CSMD1: variants seen among roughly 807,000 people sequenced by gnomAD.
CSMD1 encodes CUB and sushi domain-containing protein 1.
In CSMD1, 213 loss-of-function variants were observed where a neutral mutation model predicts 417.5. The ratio of observed to expected loss-of-function variants is 0.51; its 90% CI spans 0.46 to 0.57. The LOEUF (loss-of-function observed/expected upper bound fraction) is 0.57. Ranked by LOEUF, CSMD1 falls within the 20% of genes least tolerant of loss-of-function variation. The pLI, the probability that CSMD1 is intolerant of heterozygous loss-of-function variation, is 0.00. For missense variants in CSMD1, 6,923 were observed against 4,529.7 expected, an observed-to-expected ratio of 1.53 and a Z score of -15.17; for synonymous variants, 2,862 against 1,736.8, an observed-to-expected ratio of 1.65 and a Z score of -16.11.
intron 4 of CSMD1, among the ~76,000 whole-genome samples, chr8:3,998,678 G>C (rs1376255404): frequency 6.6e-6 from 1 of 151,956 alleles, no homozygotes; most frequent in African/African-American, 2.4e-5. Context: ...ACTTAAAATG[G>C]AATATCTTAG....
At chr8:3,254,833 G>A (rs549636707) in intron 26 of CSMD1, among the ~76,000 whole-genome samples, 13 of 152,070 alleles carry the variant, frequency 8.5e-5, no homozygotes, top group East Asian at 3.9e-4. Flanking sequence ...CCTTTAGCTC[G>A]GGGTCGTTTG....
At chr8:3,256,298 C>T (rs1310723678) in intron 26 of CSMD1, among the ~76,000 whole-genome samples, 1 of 119,464 alleles carries the variant, frequency 8.4e-6, no homozygotes, top group Admixed American at 1.1e-4. Flanking sequence ...CAGAGCAAGA[C>T]TAAGTCTCAA....
chr8:4,027,003 G>T (rs1173702945), intron 4 of CSMD1, among the ~76,000 whole-genome samples: 2 of 152,192 alleles, frequency 1.3e-5, no homozygotes, highest in Non-Finnish European at 2.9e-5. Flanking sequence ...CACTATGACA[G>T]ATAATAAGCT....
chr8:4,135,410 GA>G (rs1563169289), intron 3 of CSMD1, among the ~76,000 whole-genome samples: 1 of 129,812 alleles, frequency 7.7e-6, no homozygotes, highest in East Asian at 2.5e-4. Flanking sequence ...AAGAGGGAAA[GA>G]GGGGGAAGGA....
At chr8:4,130,997 C>T (rs922239612) in intron 3 of CSMD1, among the ~76,000 whole-genome samples, 2 of 152,130 alleles carry the variant, frequency 1.3e-5, no homozygotes, top group African/African-American at 4.8e-5. Context: ...TCTCTCCCTG[C>T]TGTTGGAATC....
At chr8:3,865,466 G>C (rs918699988) in intron 5 of CSMD1, among the ~76,000 whole-genome samples, 2 of 152,096 alleles carry the variant, frequency 1.3e-5, no homozygotes, top group Non-Finnish European at 1.5e-5. Flanking sequence ...GTGCTCTTCA[G>C]AGATGGGAGG....
chr8:4,369,116 G>C (rs1312151674), intron 3 of CSMD1, among the ~76,000 whole-genome samples: 10 of 152,034 alleles, frequency 6.6e-5, no homozygotes, highest in African/African-American at 1.9e-4. Context: ...CACTGATTTA[G>C]CTGTTTCCCA....
At chr8:3,494,593 TA>T (rs1796286632) in intron 10 of CSMD1, among the ~76,000 whole-genome samples, 1 of 148,404 alleles carries the variant, frequency 6.7e-6, no homozygotes, top group Non-Finnish European at 1.5e-5. Context: ...GATAGATAGA[TA>T]GATAGATAGA....
chr8:3,750,586 A>T (rs1797288658), intron 6 of CSMD1, among the ~76,000 whole-genome samples: 1 of 152,166 alleles, frequency 6.6e-6, no homozygotes, highest in East Asian at 1.9e-4. Flanking sequence ...TAAAAGGTAC[A>T]ATACAATTTG....
chr8:3,974,528 T>C (rs562905802), intron 5 of CSMD1, among the ~76,000 whole-genome samples: 1 of 152,202 alleles, frequency 6.6e-6, no homozygotes, highest in South Asian at 2.1e-4. Context: ...TTCATAGTAG[T>C]TGTTTAGTTG....
chr8:4,366,380 G>T (rs538094209), intron 3 of CSMD1, among the ~76,000 whole-genome samples: 3 of 152,206 alleles, frequency 2.0e-5, no homozygotes, highest in South Asian at 2.1e-4. Context: ...GAATAGCACT[G>T]CAATGAACAT....
chr8:4,430,348 G>T (rs1488766901), intron 2 of CSMD1, among the ~76,000 whole-genome samples: 1 of 152,026 alleles, frequency 6.6e-6, no homozygotes, highest in South Asian at 2.1e-4. Flanking sequence ...CTTCCTAAAA[G>T]GCTTACATCA....
At chr8:3,076,523 G>A (rs1454732031) in intron 49 of CSMD1, among the ~76,000 whole-genome samples, 2 of 152,182 alleles carry the variant, frequency 1.3e-5, no homozygotes, top group East Asian at 3.9e-4. Flanking sequence ...TCTATCTCTG[G>A]TGCCACTGCC....
At chr8:3,436,204 C>A (rs981757275) in intron 12 of CSMD1, among the ~76,000 whole-genome samples, 11 of 152,106 alleles carry the variant, frequency 7.2e-5, no homozygotes, top group Non-Finnish European at 1.6e-4. Context: ...TTATAAGATG[C>A]TTAATTACTT....
chr8:2,962,363 T>C (rs1349164905), intron 61 of CSMD1, 103 bp downstream of exon 61: 5 of 1,047,888 alleles, frequency 4.8e-6, no homozygotes, highest in East Asian at 5.0e-5. Flanking sequence ...AAACTGTCTA[T>C]GGAAACACTT....
At chr8:4,806,122 T>C (rs1459904950) in intron 1 of CSMD1, among the ~76,000 whole-genome samples, 2 of 152,180 alleles carry the variant, frequency 1.3e-5, no homozygotes, top group East Asian at 1.9e-4. Flanking sequence ...AAACGTTTAA[T>C]TACCTAACTT....
intron 10 of CSMD1, among the ~76,000 whole-genome samples, chr8:3,518,079 T>C (rs568766632): frequency 2.0e-5 from 3 of 152,172 alleles, no homozygotes; most frequent in Non-Finnish European, 4.4e-5. Flanking sequence ...AAAATGTGAT[T>C]ATAACTATAA....
intron 49 of CSMD1, among the ~76,000 whole-genome samples, chr8:3,083,514 C>T (rs536992104): frequency 6.2e-4 from 90 of 146,292 alleles, no homozygotes; most frequent in African/African-American, 2.1e-3. Flanking sequence ...ATTTGCACAT[C>T]AGTAAGGAAG....
At chr8:4,227,975 A>G (rs1801461473) in intron 3 of CSMD1, among the ~76,000 whole-genome samples, 1 of 151,442 alleles carries the variant, frequency 6.6e-6, no homozygotes, top group Non-Finnish European at 1.5e-5. Context: ...ACCAGGAGAC[A>G]CGCCCTCCAT....
Sources: allele counts gnomAD v4.1 joint callset (sites outside exome capture counted in the v4.1 genomes callset), GRCh38; gene constraint gnomAD v4.1.1; transcripts MANE v1.5; gene names NCBI Gene and HGNC (gene_info 2026-07-23, HGNC 2026-07-21).